The following GRID2IP variants were observed in gnomAD, a reference collection of about 807,000 sequenced individuals.
GRID2IP encodes delphilin.
GRID2IP carries 78 observed loss-of-function variants against 114.3 expected under a neutral mutation model. The observed-to-expected ratio is 0.68, with a 90% CI of 0.57 to 0.82. The LOEUF is 0.82. Ranked by LOEUF, GRID2IP falls within the 40% of genes least tolerant of loss-of-function variation. GRID2IP has a pLI of 0.00. For synonymous variants in GRID2IP, 809 were observed against 724.0 expected (o/e 1.12, Z -1.89); for missense variants, 1,727 against 1,678.5 (o/e 1.03, Z -0.51).
rs759356295 is a variant in GRID2IP, at chr7:6,497,725, C to T, written c.*49G>A. On this transcript the variant is annotated 3_prime_UTR_variant, in exon 22 of 22. Coordinates refer to ENST00000457091, the MANE Select transcript of GRID2IP (RefSeq NM_001145118.2). ...CTCGGCAGTGTCTGGGCTGCCCTCT[C>T]GGCCTCCATCTCCCTGCTCAGGCCG... 34 of 1,416,916 alleles carry T rather than the reference C, an allele frequency of 2.4e-5. No homozygotes were observed. Among genetic ancestry groups the T allele is most frequent in the Middle Eastern group, 1.8e-4 (1 of 5,444 alleles). 87.8% of individuals were successfully genotyped at this position (1,416,916 alleles called of 1,614,324 possible).
intron 7 of GRID2IP, among the ~76,000 whole-genome samples, chr7:6,518,375 G>A (rs1176648426): frequency 6.6e-6 from 1 of 152,168 alleles, no homozygotes; most frequent in Non-Finnish European, 1.5e-5. Flanking sequence ...ATTAAAAGAT[G>A]CTTAAAATAA....
At position 6,510,268 on chromosome 7, in the gene GRID2IP, A is replaced by T; in HGVS notation, c.1771+15T>A. The T allele has an allele frequency of 6.7e-7, 1 of 1,496,716 alleles. No individual in the cohort carries two copies. The highest frequency in any genetic ancestry group is 9.0e-7 in the Non-Finnish European group (1 of 1,105,306). 92.7% of individuals were successfully genotyped at this position (1,496,716 alleles called of 1,614,324 possible). On this transcript the variant is annotated intron_variant, in intron 11 of 21. Transcript: ENST00000457091. ...GAAACACCCAGACAGTAGATGACAG[A>T]GGCTGGAGCCCTACCTGTGGTGACT... is the stretch of plus-strand genomic sequence containing the variant.
rs1171678295 is a variant in GRID2IP, at chr7:6,497,108, T to C, written c.*666A>G. On this transcript the variant is annotated 3_prime_UTR_variant, in exon 22 of 22. Transcript: ENST00000457091. ...GTCTGCTCTACCTTGACCACACCTA[T>C]TCCACTCCCAGGCTCCCCACTTCCA... 6.6e-6 allele frequency among the ~76,000 whole-genome samples: 1 copy of C among 152,180 alleles called. No homozygotes were observed. The highest frequency in any genetic ancestry group is 6.5e-5 in the Admixed American group (1 of 15,272).
At position 6,496,913 on chromosome 7, in the gene GRID2IP, T is replaced by C. The variant is rs1274919906; in HGVS notation, c.*861A>G. 1.3e-5 allele frequency among the ~76,000 whole-genome samples: 2 copies of C among 152,048 alleles called. No individual in the cohort carries two copies. Among genetic ancestry groups the C allele is most frequent in the African/African-American group, 2.4e-5 (1 of 41,426 alleles). ...AACTCCTGCTATATGCCTAGGCACATGTAAAATGACCATTTGGGTCCCAAA... is the reference window on the plus strand; with the variant it reads ...AACTCCTGCTATATGCCTAGGCACACGTAAAATGACCATTTGGGTCCCAAA... On this transcript the variant is annotated 3_prime_UTR_variant, in exon 22 of 22. Coordinates refer to ENST00000457091, the MANE Select transcript of GRID2IP (RefSeq NM_001145118.2).
In GRID2IP at chr7:6,551,367, A is replaced by T. The variant is rs1210549812; in HGVS notation, c.70T>A (p.Ser24Thr). 1 of 1,548,582 alleles carries T rather than the reference A, an allele frequency of 6.5e-7. No homozygotes were observed. Among genetic ancestry groups the T allele is most frequent in the Non-Finnish European group, 8.7e-7 (1 of 1,146,288 alleles). Residue 24 changes from serine (S) to threonine (T), a missense_variant, in exon 1 of 22, where the codon TCT (serine) becomes ACT (threonine). Transcript: ENST00000457091. The part of the protein sequence containing the change: ...PEDFGFRLGG[S>T]GPCFVLEVAK... ...ACCTCCAGGACGAAGCAGGGGCCAG[A>T]GCCACCTAGCCGGAAGCCAAAGTCC...
rs577526477 is a variant in GRID2IP, at chr7:6,513,908, A to G, written c.1423+467T>C. 2.2e-5 allele frequency among the ~76,000 whole-genome samples: 3 copies of G among 137,432 alleles called. No homozygotes were observed. In the South Asian group the frequency reaches 7.5e-4, roughly 34 times the overall value. The allele number at this position is 137,432 out of a possible 152,430, so 90.2% of individuals were successfully genotyped here. On this transcript the variant is annotated intron_variant, in intron 8 of 21. Coordinates refer to ENST00000457091, the MANE Select transcript of GRID2IP (RefSeq NM_001145118.2). Reference sequence around the variant, plus strand: ...GGCTGCGGTGAGCCATGATGGCACCACGACACTCCAGCCTGGGCGACAGAG... The same window carrying G: ...GGCTGCGGTGAGCCATGATGGCACCGCGACACTCCAGCCTGGGCGACAGAG...
At position 6,526,510 on chromosome 7, in the gene GRID2IP, G is replaced by GC; in HGVS notation, c.833+10dup. The stretch of plus-strand genomic sequence containing the variant: ...AGGCGCCCGCTGCCAGTGCCTGTGA[G>GC]CCCCGCGTACCTGCGCGCGCCCCCG... On this transcript the variant is annotated intron_variant, in intron 3 of 21. Coordinates refer to ENST00000457091, the MANE Select transcript of GRID2IP (RefSeq NM_001145118.2). This position sits in a 1 kb window ranked among gnomAD's most constrained non-coding sequence, Gnocchi z 7.6. 7.6e-7 allele frequency: 1 copy of GC among 1,321,214 alleles called. No homozygotes were observed. Among genetic ancestry groups the GC allele is most frequent in the Non-Finnish European group, 9.6e-7 (1 of 1,037,140 alleles). The allele number at this position is 1,321,214 out of a possible 1,614,324, so 81.8% of individuals were successfully genotyped here. A position where few individuals can be genotyped will look rare whatever the true frequency, so the allele number is the denominator to read the frequency against.
At chr7:6,524,539 G>C (rs1264389519) in intron 4 of GRID2IP, among the ~76,000 whole-genome samples, 1 of 152,084 alleles carries the variant, frequency 6.6e-6, no homozygotes, top group Non-Finnish European at 1.5e-5. Context: ...AGGGATTCTT[G>C]CACTGCAGAG....
At chr7:6,548,390 G>C (rs1779918820) in intron 1 of GRID2IP, among the ~76,000 whole-genome samples, 1 of 151,260 alleles carries the variant, frequency 6.6e-6, no homozygotes, top group Non-Finnish European at 1.5e-5. Flanking sequence ...TAGATGGATT[G>C]TTTATAACTC....
chr7:6,499,631 A>C (rs1323897212), intron 20 of GRID2IP, among the ~76,000 whole-genome samples: 1 of 152,008 alleles, frequency 6.6e-6, no homozygotes, highest in Non-Finnish European at 1.5e-5. Context: ...GGGTTTCACC[A>C]TGTTGGCCAG....
chr7:6,518,910 TTTTTTTTTG>T (rs1380768239), intron 7 of GRID2IP, among the ~76,000 whole-genome samples: 4 of 3,132 alleles, frequency 1.3e-3, no homozygotes, highest in African/African-American at 0.011. Context: ...TCAAGCACAG[TTTTTTTTTG>T]TTTTTTTGTT....
intron 2 of GRID2IP, among the ~76,000 whole-genome samples, chr7:6,527,584 T>G (rs374265945): frequency 6.6e-6 from 1 of 152,136 alleles, no homozygotes; most frequent in South Asian, 2.1e-4. Flanking sequence ...TCTCTCTCTT[T>G]CTCTGTCTCT....
intron 10 of GRID2IP, 100 bp downstream of exon 10, chr7:6,510,509 G>T: frequency 7.7e-7 from 1 of 1,292,270 alleles, no homozygotes; most frequent in Non-Finnish European, 1.0e-6. Flanking sequence ...GCCTGAAGCA[G>T]CACAGGGACG....
intron 14 of GRID2IP, 56 bp downstream of exon 14, chr7:6,505,764 G>A: frequency 8.8e-7 from 1 of 1,139,686 alleles, no homozygotes; most frequent in Non-Finnish European, 1.3e-6. Context: ...CTAAGCCTGG[G>A]GCTGCCACAG....
In GRID2IP at chr7:6,497,499, G is replaced by C; in HGVS notation, c.*275C>G. 1 of 353,740 alleles carries C rather than the reference G, an allele frequency of 2.8e-6. No homozygotes were observed. The highest frequency in any genetic ancestry group is 4.6e-5 in the East Asian group (1 of 21,618). 21.9% of individuals were successfully genotyped at this position (353,740 alleles called of 1,614,324 possible). A position where few individuals can be genotyped will look rare whatever the true frequency, so the allele number is the denominator to read the frequency against. ...CCCCCTGACAGCCTGGGAGCGAAGT[G>C]GGAAGTGGGCCCAAGAAGCCGACAG... On this transcript the variant is annotated 3_prime_UTR_variant, in exon 22 of 22. Coordinates refer to ENST00000457091, the MANE Select transcript of GRID2IP (RefSeq NM_001145118.2).
chr7:6,504,652 G>A, intron 15 of GRID2IP, 141 bp downstream of exon 15: 1 of 665,920 alleles, frequency 1.5e-6, no homozygotes, highest in Admixed American at 2.8e-5. Context: ...ATGGGGCCTG[G>A]GAGGGGGCCT....
At chr7:6,543,785 AATTTT>A (rs1160596502) in intron 1 of GRID2IP, among the ~76,000 whole-genome samples, 1 of 150,804 alleles carries the variant, frequency 6.6e-6, no homozygotes, top group Non-Finnish European at 1.5e-5. Context: ...AATTTAATTT[AATTTT>A]ATTATTATTA....
chr7:6,514,483 G>C lies in GRID2IP; in HGVS notation c.1315C>G (p.Pro439Ala), dbSNP rs764875023. ...AACTGCCACAGGACCTGCTTGGCAG[G>C]GGTGTCCAGCACAGGGTAGACGTCA... ...IVDVYPVLDT[P>A]AKQVLWQFIY... is the part of the protein sequence containing the mutation. Residue 439 changes from proline (P) to alanine (A), a missense_variant, in exon 8 of 22, where the codon CCT (proline) becomes GCT (alanine). Coordinates refer to ENST00000457091, the MANE Select transcript of GRID2IP (RefSeq NM_001145118.2). 1.3e-6 allele frequency: 2 copies of C among 1,548,848 alleles called. No individual in the cohort carries two copies. Among genetic ancestry groups the C allele is most frequent in the Non-Finnish European group, 1.7e-6 (2 of 1,145,842 alleles).
chr7:6,531,840 A>T (rs1364233156), intron 2 of GRID2IP, among the ~76,000 whole-genome samples: 1 of 152,140 alleles, frequency 6.6e-6, no homozygotes, highest in African/African-American at 2.4e-5. Context: ...CTGGGAGGTG[A>T]CCCAGAGGGG....
Sources: allele counts gnomAD v4.1 joint callset (sites outside exome capture counted in the v4.1 genomes callset), GRCh38; gene constraint gnomAD v4.1.1; non-coding constraint Gnocchi (gnomAD v3.1); transcripts MANE v1.5; gene names NCBI Gene and HGNC (gene_info 2026-07-23, HGNC 2026-07-21).